PIK3C3: variants seen among roughly 807,000 people sequenced by gnomAD.
PIK3C3 encodes phosphatidylinositol 3-kinase catalytic subunit type 3, also known as PI3-kinase type 3.
Under a neutral mutation model 126.1 loss-of-function variants are expected in PIK3C3, and 95 were observed. That is an observed-to-expected ratio of 0.75 (90% CI 0.64 to 0.89). PIK3C3 has a LOEUF of 0.89. Among genes scored for constraint, PIK3C3 ranks in the 40% least tolerant of loss-of-function variants. The pLI is 0.00. For missense variants in PIK3C3, 829 were observed against 1,063.2 expected, an observed-to-expected ratio of 0.78 and a Z score of 3.06; for synonymous variants, 374 against 360.0, an observed-to-expected ratio of 1.04 and a Z score of -0.44.
At chr18:42,004,640 T>A (rs1201929878) in intron 10 of PIK3C3, 99 bp downstream of exon 10, 6 of 892,868 alleles carry the variant, frequency 6.7e-6, no homozygotes, top group Non-Finnish European at 8.3e-6. Context: ...AGAGAGAGAG[T>A]GTGTGCACAT....
chr18:41,964,499 T>G (rs1035328248), intron 3 of PIK3C3, among the ~76,000 whole-genome samples: 32 of 152,090 alleles, frequency 2.1e-4, no homozygotes, highest in African/African-American at 7.2e-4. Context: ...TAAATACATT[T>G]AATGGGCCTG....
In PIK3C3 at chr18:42,040,703, C is replaced by T. The variant is rs1247336892; in HGVS notation, c.2065C>T (p.Pro689Ser). ...CTTCATGCAGTTTATCCAGTCAGTT[C>T]CTGTGGCTGAAGTTCTTGATACAGA... ...HGFMQFIQSV[P>S]VAEVLDTEGS... Residue 689 changes from proline (P) to serine (S), a missense_variant, in exon 19 of 25, where the codon CCT becomes TCT. Pro to Ser is a moderately conservative substitution (Grantham distance 74). This residue lies in a region of PIK3C3 where 196 missense variants were observed against 312.8 expected (regional missense o/e 0.63). Transcript: ENST00000262039. The T allele has an allele frequency of 1.2e-6, 2 of 1,611,254 alleles. No homozygotes were observed. Among genetic ancestry groups the T allele is most frequent in the Non-Finnish European group, 1.7e-6 (2 of 1,177,932 alleles).
intron 4 of PIK3C3, among the ~76,000 whole-genome samples, chr18:41,982,894 A>G (rs928510791): frequency 8.5e-5 from 13 of 152,194 alleles, no homozygotes; most frequent in African/African-American, 2.9e-4. Context: ...AGATACTTCT[A>G]CCACATAATT....
At chr18:42,014,236 T>C (rs1271001833) in intron 11 of PIK3C3, among the ~76,000 whole-genome samples, 1 of 121,510 alleles carries the variant, frequency 8.2e-6, no homozygotes, top group Admixed American at 8.4e-5. Context: ...AAAAAAGAAA[T>C]GGATGAAATA....
intron 22 of PIK3C3, among the ~76,000 whole-genome samples, chr18:42,061,207 T>C (rs912814673): frequency 2.1e-4 from 32 of 152,210 alleles, no homozygotes; most frequent in Admixed American, 2.0e-3. Flanking sequence ...ACATTCCATC[T>C]TGCAATCTTT....
At chr18:42,057,684 G>A (rs112125044) in intron 21 of PIK3C3, 199 bp from the exon 22 acceptor site, 420 of 518,370 alleles carry the variant, frequency 8.1e-4, no homozygotes, top group African/African-American at 6.2e-3. Context: ...TCGTGTGAAC[G>A]AATGAGTTAA....
At chr18:42,035,749 C>G (rs1211062394) in intron 16 of PIK3C3, among the ~76,000 whole-genome samples, 1 of 152,178 alleles carries the variant, frequency 6.6e-6, no homozygotes, top group African/African-American at 2.4e-5. Flanking sequence ...CTTACACATA[C>G]ACTGAAATTT....
intron 4 of PIK3C3, among the ~76,000 whole-genome samples, chr18:41,978,282 G>T (rs921836328): frequency 6.6e-6 from 1 of 152,194 alleles, no homozygotes; most frequent in African/African-American, 2.4e-5. Context: ...CACTATAAAA[G>T]AAGTGATTAA....
intron 1 of PIK3C3, among the ~76,000 whole-genome samples, chr18:41,955,906 G>C (rs1359219730): frequency 6.6e-6 from 1 of 152,082 alleles, no homozygotes; most frequent in Non-Finnish European, 1.5e-5. Context: ...CGAAGATGAG[G>C]GTTCCAGTTT....
intron 4 of PIK3C3, among the ~76,000 whole-genome samples, chr18:41,987,122 G>T (rs1279165871): frequency 1.3e-5 from 2 of 151,128 alleles, no homozygotes; most frequent in East Asian, 1.9e-4. Flanking sequence ...AATGAGAGGG[G>T]TGTTGATTTT....
At position 42,087,548 on chromosome 18, in the gene PIK3C3, G is replaced by C. The variant is rs1986423306; in HGVS notation, c.*6411G>C. On this transcript the variant is annotated 3_prime_UTR_variant, in exon 25 of 25. Coordinates refer to ENST00000262039, the MANE Select transcript of PIK3C3 (RefSeq NM_002647.4). Reference sequence around the variant, plus strand: ...AGCTGCCAGCTTGTCTATGTCTGCAGCTCAACTTTACAGGCTGCTCTTTGT... The same window carrying C: ...AGCTGCCAGCTTGTCTATGTCTGCACCTCAACTTTACAGGCTGCTCTTTGT... 6.6e-6 allele frequency: 1 copy of C among 152,172 alleles called. No individual in the cohort carries two copies. The highest frequency in any genetic ancestry group is 2.1e-4 in the South Asian group (1 of 4,832). The allele number at this position is 152,172 out of a possible 1,614,324, so 9.4% of individuals were successfully genotyped here.
chr18:42,084,032 C>T lies in PIK3C3; in HGVS notation c.*2895C>T, dbSNP rs1291997112. 1 of 152,138 alleles carries T rather than the reference C, an allele frequency of 6.6e-6. No individual in the cohort carries two copies. Among genetic ancestry groups the T allele is most frequent in the East Asian group, 1.9e-4 (1 of 5,192 alleles). The allele number at this position is 152,138 out of a possible 1,614,324, so 9.4% of individuals were successfully genotyped here. On this transcript the variant is annotated 3_prime_UTR_variant, in exon 25 of 25. Coordinates refer to ENST00000262039, the MANE Select transcript of PIK3C3 (RefSeq NM_002647.4). ...GCTTTTAACAGGATTACCAAAGGCA[C>T]ACTCAGTAGTCAGTAAACACATTTC... is the stretch of plus-strand genomic sequence containing the variant.
Position 42,037,697 on chromosome 18 carries a change from C to G in PIK3C3, c.1845C>G (p.Ala615=). 6.2e-7 allele frequency: 1 copy of G among 1,607,872 alleles called. No individual in the cohort carries two copies. Among genetic ancestry groups the G allele is most frequent in the Non-Finnish European group, 8.5e-7 (1 of 1,175,822 alleles). ...TCAATATTTTTATTTTCCAGAGTGC[C>G]CTTATGCCTGCACAGTTGTTTTTTA... ...IPETATLFKS[A]LMPAQLFFKT... Residue 615 remains alanine (A), a synonymous_variant, in exon 17 of 25, where the codon GCC becomes GCG. Coordinates refer to ENST00000262039, the MANE Select transcript of PIK3C3 (RefSeq NM_002647.4).
intron 24 of PIK3C3, among the ~76,000 whole-genome samples, chr18:42,072,775 A>G (rs755765797): frequency 6.6e-6 from 1 of 152,148 alleles, no homozygotes; most frequent in African/African-American, 2.4e-5. Context: ...GCCTCAAGCA[A>G]TCCTCCTGCC....
chr18:41,958,681 G>GTA (rs1031628242), intron 2 of PIK3C3, among the ~76,000 whole-genome samples: 8 of 151,588 alleles, frequency 5.3e-5, no homozygotes, highest in South Asian at 2.1e-4. Flanking sequence ...CTATCTATCT[G>GTA]TATATATATA....
chr18:42,013,686 A>C (rs1982937789), intron 11 of PIK3C3, 90 bp downstream of exon 11: 2 of 932,292 alleles, frequency 2.1e-6, no homozygotes, highest in Admixed American at 2.5e-5. Flanking sequence ...AGATGTACCA[A>C]ATGCTAGTGT....
intron 4 of PIK3C3, 64 bp from the exon 5 acceptor site, chr18:41,987,748 C>A: frequency 9.8e-7 from 1 of 1,020,140 alleles, no homozygotes; most frequent in Non-Finnish European, 1.5e-6. Flanking sequence ...GCCATTCTGA[C>A]ATTTTTGGTC....
intron 17 of PIK3C3, 83 bp downstream of exon 17, chr18:42,037,903 G>A (rs545795560): frequency 1.0e-4 from 129 of 1,278,546 alleles, no homozygotes; most frequent in Non-Finnish European, 1.4e-4. Flanking sequence ...TTATGGAACA[G>A]AAGTATTTGT....
intron 24 of PIK3C3, 124 bp from the exon 25 acceptor site, chr18:42,080,999 T>G: frequency 1.7e-6 from 1 of 598,380 alleles, no homozygotes; most frequent in Non-Finnish European, 3.0e-6. Flanking sequence ...TTGGTAGCAT[T>G]TAGCAAACTA....
Sources: gnomAD v4.1 joint callset for allele counts (sites outside exome capture counted in the v4.1 genomes callset) on GRCh38, gnomAD v4.1.1 for gene constraint, gnomAD v4.1.1 regional missense constraint, MANE v1.5 for transcripts, NCBI Gene and HGNC (gene_info 2026-07-23, HGNC 2026-07-21) for gene names.